Variants in DSC2 observed in about 807,000 individuals in gnomAD.
DSC2 encodes desmocollin 2, also known as desmocollin-2.
In DSC2, 51 loss-of-function variants were observed where a neutral mutation model predicts 87.6. The ratio of observed to expected loss-of-function variants is 0.58; its 90% CI spans 0.46 to 0.74. The LOEUF is 0.74. Among genes scored for constraint, DSC2 ranks in the 30% least tolerant of loss-of-function variants. The pLI, the probability that DSC2 is intolerant of heterozygous loss-of-function variation, is 0.00. For missense variants in DSC2, 1,066 were observed against 1,089.5 expected (o/e 0.98, Z 0.30); for synonymous variants, 383 against 393.2 (o/e 0.97, Z 0.31).
chr18:31,068,869 T>C (rs562553054), intron 15 of DSC2, 25 bp downstream of exon 15: 5 of 1,612,356 alleles, frequency 3.1e-6, no homozygotes, highest in Middle Eastern at 4.3e-4. Flanking sequence ...TAAAATAGAT[T>C]TGTAGGCCAC....
At position 31,079,996 on chromosome 18, in the gene DSC2, GTAATGATGAATTAAAA is replaced by G. The variant is rs756796317; in HGVS notation, c.1521-23_1521-8del. On this transcript the variant is annotated splice_polypyrimidine_tract_variant and splice_region_variant and intron_variant, in intron 10 of 15. Transcript: ENST00000280904. ...ATCAGTTAATTTCTTATACCTGTTGGTAATGATGAATTAAAATAATAAAATTTATCATATGCTAAAT... is the reference window on the plus strand; with the variant it reads ...ATCAGTTAATTTCTTATACCTGTTGGTAATAAAATTTATCATATGCTAAAT... 3.7e-6 allele frequency: 6 copies of G among 1,612,542 alleles called. No individual in the cohort carries two copies. Among genetic ancestry groups the G allele is most frequent in the Admixed American group, 1.7e-5 (1 of 59,950 alleles).
At chr18:31,088,888 G>T (rs1385799368) in intron 5 of DSC2, among the ~76,000 whole-genome samples, 1 of 152,044 alleles carries the variant, frequency 6.6e-6, no homozygotes, top group Non-Finnish European at 1.5e-5. Flanking sequence ...TCTTGGCCGG[G>T]CACGGTGGCT....
chr18:31,084,549 G>T (rs2144825202), intron 7 of DSC2, among the ~76,000 whole-genome samples: 1 of 152,184 alleles, frequency 6.6e-6, no homozygotes, highest in South Asian at 2.1e-4. Context: ...AGCACCACTG[G>T]ATAAACACCT....
rs1986615673 is a variant in DSC2, at chr18:31,066,267, C to T, written c.*1748G>A. 6.6e-6 allele frequency: 1 copy of T among 152,042 alleles called. No homozygotes were observed. 9.4% of individuals were successfully genotyped at this position (152,042 alleles called of 1,614,324 possible). On this transcript the variant is annotated 3_prime_UTR_variant, in exon 16 of 16. Coordinates refer to ENST00000280904, the MANE Select transcript of DSC2 (RefSeq NM_024422.6). ...ACTCTACATTTTAAAAAATGTATAA[C>T]AGGAATCTAAGGAAGGGGTCTTACT...
In DSC2 at chr18:31,074,715, A is replaced by G; in HGVS notation, c.1856T>C (p.Val619Ala). The G allele has an allele frequency of 1.2e-6, 2 of 1,613,992 alleles. No individual in the cohort carries two copies. The highest frequency in any genetic ancestry group is 1.7e-6 in the Non-Finnish European group (2 of 1,179,946). Reference protein sequence around the residue: ...DFSLESSTSEVQRMWRLKAIN... With the variant: ...DFSLESSTSEAQRMWRLKAIN... ...TGCTTTCAGTCTCCACATTCTCTGT[A>G]CTTCTGAAGTAGAACTCTCCAGACT... is the stretch of plus-strand genomic sequence containing the variant. Residue 619 changes from valine to alanine, a missense_variant, in exon 12 of 16, where the codon GTA becomes GCA. Transcript: ENST00000280904.
chr18:31,093,669 AAT>A (rs754768291), intron 1 of DSC2, 26 bp from the exon 2 acceptor site: 1 of 1,477,460 alleles, frequency 6.8e-7, no homozygotes, highest in African/African-American at 1.4e-5. Context: ...AAATCAAATA[AAT>A]ATTATGCATA....
intron 11 of DSC2, among the ~76,000 whole-genome samples, chr18:31,076,158 G>C (rs898569220): frequency 6.6e-6 from 1 of 152,138 alleles, no homozygotes; most frequent in Non-Finnish European, 1.5e-5. Context: ...TGCCAAGCTC[G>C]GGAAGATCTC....
chr18:31,087,560 C>T, intron 6 of DSC2, 109 bp downstream of exon 6: 1 of 1,283,266 alleles, frequency 7.8e-7, no homozygotes, highest in East Asian at 2.3e-5. Flanking sequence ...CACCCAGAGT[C>T]CCTTATTCTT....
At chr18:31,079,307 G>A (rs976564473) in intron 11 of DSC2, among the ~76,000 whole-genome samples, 2 of 152,160 alleles carry the variant, frequency 1.3e-5, no homozygotes, top group Admixed American at 1.3e-4. Context: ...AGGCTAGAGT[G>A]CAGTGGCGCG....
intron 11 of DSC2, among the ~76,000 whole-genome samples, chr18:31,077,543 A>T (rs1987064012): frequency 6.6e-6 from 1 of 152,200 alleles, no homozygotes; most frequent in Non-Finnish European, 1.5e-5. Flanking sequence ...CTTTTTTTGC[A>T]CATTGTGATT....
intron 9 of DSC2, among the ~76,000 whole-genome samples, chr18:31,081,407 T>G (rs1987214723): frequency 6.6e-6 from 1 of 152,150 alleles, no homozygotes. Flanking sequence ...GGTCTTGGAC[T>G]TCACACAAAT....
rs562001495 is a variant in DSC2, at chr18:31,093,550, C to T, written c.154+9G>A. The T allele has an allele frequency of 1.9e-6, 3 of 1,598,762 alleles. No homozygotes were observed. In the African/African-American group the frequency reaches 4.0e-5, roughly 21 times the overall value. On this transcript the variant is annotated intron_variant, in intron 2 of 15. Transcript: ENST00000280904. ...ACAGGATTTATTACAAATTTTAGGG[C>T]TTCCTTACCTCTACCAACAAGTTTC...
chr18:31,071,910 C>G (rs1402233716), intron 12 of DSC2, 69 bp from the exon 13 acceptor site: 1 of 1,323,772 alleles, frequency 7.6e-7, no homozygotes, highest in Non-Finnish European at 1.1e-6. Context: ...ATAAATAACT[C>G]ATTATCAGAT....
chr18:31,069,979 T>C (rs1291573869), intron 14 of DSC2, among the ~76,000 whole-genome samples: 1 of 152,186 alleles, frequency 6.6e-6, no homozygotes, highest in African/African-American at 2.4e-5. Context: ...CATTAAACCC[T>C]TGCCATCTAA....
rs191638042 is a variant in DSC2 at position 31,062,582 on chromosome 18, C to T, written c.*5433G>A. 2.0e-5 allele frequency: 3 copies of T among 152,280 alleles called. No individual in the cohort carries two copies. The East Asian group carries it at 5.8e-4, about 29-fold the overall frequency. 9.4% of individuals were successfully genotyped at this position (152,280 alleles called of 1,614,324 possible). ...GCATTTATTCATTCATCCATTTATT[C>T]ATCACACACCAAATATATTCAGTGT... On this transcript the variant is annotated 3_prime_UTR_variant, in exon 16 of 16. Transcript: ENST00000280904.
intron 14 of DSC2, among the ~76,000 whole-genome samples, chr18:31,070,324 C>A (rs1986781122): frequency 1.3e-5 from 2 of 152,154 alleles, no homozygotes; most frequent in Non-Finnish European, 2.9e-5. Flanking sequence ...AAAGTTCTTC[C>A]CACGATGATC....
rs1025609969 is a variant in DSC2, at chr18:31,061,175, C to T, written c.*6840G>A. On this transcript the variant is annotated 3_prime_UTR_variant, in exon 16 of 16. Coordinates refer to ENST00000280904, the MANE Select transcript of DSC2 (RefSeq NM_024422.6). ...ATGCTGATGGTCAGTGAAACACACT[C>T]TAAAAATTATACAAGCGAATATATC... 5.3e-5 allele frequency: 8 copies of T among 152,192 alleles called. No individual in the cohort carries two copies. The highest frequency in any genetic ancestry group is 1.9e-4 in the African/African-American group (8 of 41,454). 9.4% of individuals were successfully genotyped at this position (152,192 alleles called of 1,614,324 possible). A position where few individuals can be genotyped will look rare whatever the true frequency, so the allele number is the denominator to read the frequency against.
intron 11 of DSC2, among the ~76,000 whole-genome samples, chr18:31,078,457 C>T (rs544875094): frequency 1.2e-4 from 19 of 152,226 alleles, no homozygotes; most frequent in Middle Eastern, 3.4e-3. Flanking sequence ...CTGCAACAGA[C>T]GAGAATGTAG....
At chr18:31,087,200 T>A (rs1598586865) in intron 6 of DSC2, among the ~76,000 whole-genome samples, 1 of 152,314 alleles carries the variant, frequency 6.6e-6, no homozygotes, top group East Asian at 1.9e-4. Flanking sequence ...GAGAAAATGT[T>A]TGTATTATTC....
Sources: gnomAD v4.1 joint callset for allele counts (sites outside exome capture counted in the v4.1 genomes callset) on GRCh38, gnomAD v4.1.1 for gene constraint, MANE v1.5 for transcripts, NCBI Gene and HGNC (gene_info 2026-07-23, HGNC 2026-07-21) for gene names.